The following CADPS2 variants were observed in gnomAD, a reference collection of about 807,000 sequenced individuals.
CADPS2 encodes calcium-dependent secretion activator 2.
In CADPS2, 93 loss-of-function variants were observed where a neutral mutation model predicts 172.5. The observed-to-expected ratio is 0.54, with a 90% CI of 0.46 to 0.64. The LOEUF (loss-of-function observed/expected upper bound fraction) is 0.64. Among genes scored for constraint, CADPS2 ranks in the 30% least tolerant of loss-of-function variants. CADPS2 has a pLI of 0.00. For missense variants in CADPS2, 1,420 were observed against 1,565.9 expected (o/e 0.91, Z 1.57); for synonymous variants, 546 against 555.2 (o/e 0.98, Z 0.23).
chr7:122,730,302 C>G (rs1167899069), intron 2 of CADPS2, among the ~76,000 whole-genome samples: 2 of 151,462 alleles, frequency 1.3e-5, no homozygotes, highest in Non-Finnish European at 3.0e-5. Context: ...TATGATAATA[C>G]CAAATGTGCA....
chr7:122,635,271 A>T (rs185124094), intron 3 of CADPS2, among the ~76,000 whole-genome samples: 2,319 of 149,100 alleles, frequency 0.016, 26 homozygotes, highest in South Asian at 0.027. Context: ...TGTGTGGCTA[A>T]TTTTTTTTTT....
rs750101153 is a variant in CADPS2 at position 122,702,186 on chromosome 7, G to C, written c.453+34769C>G. The C allele has an allele frequency of 2.1e-5, 34 of 1,613,520 alleles. No individual in the cohort carries two copies. The South Asian group carries it at 3.4e-4, about 16-fold the overall frequency. ...AAGGTAAATAGATACATGATGTAATGGCTCACCCACTGCATGTGCATTCTC... is the reference window on the plus strand; with the variant it reads ...AAGGTAAATAGATACATGATGTAATCGCTCACCCACTGCATGTGCATTCTC... On this transcript the variant is annotated intron_variant, in intron 2 of 29. Coordinates refer to ENST00000449022, the MANE Select transcript of CADPS2 (RefSeq NM_017954.11).
intron 9 of CADPS2, among the ~76,000 whole-genome samples, chr7:122,507,902 G>C (rs2059726673): frequency 6.6e-6 from 1 of 152,070 alleles, no homozygotes; most frequent in African/African-American, 2.4e-5. Flanking sequence ...GATCAAACAT[G>C]ACACCTAGGT....
At chr7:122,390,108 C>T (rs973055889) in intron 22 of CADPS2, among the ~76,000 whole-genome samples, 4 of 151,948 alleles carry the variant, frequency 2.6e-5, no homozygotes, top group African/African-American at 9.7e-5. Context: ...CCTTGTCTAG[C>T]CAAAATGCCC....
intron 1 of CADPS2, among the ~76,000 whole-genome samples, chr7:122,816,701 T>C (rs1162493837): frequency 6.6e-6 from 1 of 152,222 alleles, no homozygotes; most frequent in Non-Finnish European, 1.5e-5. Context: ...CATCCATTAT[T>C]GCCTGTCTTT....
chr7:122,698,465 CA>C, intron 2 of CADPS2: 2 of 1,613,902 alleles, frequency 1.2e-6, no homozygotes, highest in Non-Finnish European at 1.7e-6. Context: ...ATCATAACCA[CA>C]ACGACATCTT....
intron 12 of CADPS2, among the ~76,000 whole-genome samples, chr7:122,477,083 GGA>G (rs992814998): frequency 3.2e-5 from 4 of 123,818 alleles, no homozygotes; most frequent in Non-Finnish European, 6.9e-5. Context: ...AGAGAGAGAG[GGA>G]GAGAGAGAGG....
At chr7:122,504,880 A>G (rs1322667241) in intron 9 of CADPS2, among the ~76,000 whole-genome samples, 2 of 152,152 alleles carry the variant, frequency 1.3e-5, no homozygotes, top group African/African-American at 4.8e-5. Context: ...CACAACTTTT[A>G]TCAGCAAAGA....
intron 9 of CADPS2, among the ~76,000 whole-genome samples, chr7:122,497,103 C>T (rs1241337509): frequency 6.6e-6 from 1 of 151,658 alleles, no homozygotes; most frequent in African/African-American, 2.4e-5. Flanking sequence ...CTGCTTTTTG[C>T]CTTGAAGTCT....
At chr7:122,795,649 A>G (rs1419329652) in intron 1 of CADPS2, among the ~76,000 whole-genome samples, 1 of 152,226 alleles carries the variant, frequency 6.6e-6, no homozygotes, top group Non-Finnish European at 1.5e-5. Flanking sequence ...AAAACTTTCG[A>G]TAAAATTCAA....
At chr7:122,816,943 T>C (rs13245159) in intron 1 of CADPS2, among the ~76,000 whole-genome samples, 5,822 of 151,830 alleles carry the variant, frequency 0.038, 212 homozygotes, top group Non-Finnish European at 0.054. Flanking sequence ...TGGCTCATCC[T>C]GGCTCAAAAA....
At chr7:122,698,187 C>G in intron 2 of CADPS2, 1 of 1,613,878 alleles carries the variant, frequency 6.2e-7, no homozygotes, top group Non-Finnish European at 8.5e-7. Flanking sequence ...CTTCATCCCC[C>G]TCTTTTACTA....
intron 1 of CADPS2, among the ~76,000 whole-genome samples, chr7:122,863,281 A>G (rs1337250689): frequency 6.6e-6 from 1 of 152,172 alleles, no homozygotes; most frequent in Admixed American, 6.5e-5. Context: ...TACACTTTAT[A>G]TTTTATAAGT....
At chr7:122,776,679 T>C (rs1431944658) in intron 1 of CADPS2, among the ~76,000 whole-genome samples, 2 of 152,146 alleles carry the variant, frequency 1.3e-5, no homozygotes, top group African/African-American at 4.8e-5. Context: ...TGGGAAAGTT[T>C]AGAATTTCCT....
chr7:122,375,705 A>C (rs544176836), intron 25 of CADPS2, among the ~76,000 whole-genome samples: 3 of 152,246 alleles, frequency 2.0e-5, no homozygotes, highest in Admixed American at 1.3e-4. Context: ...TGGCCGTAGC[A>C]ATGACTTCTT....
At chr7:122,548,024 T>G (rs897052686) in intron 8 of CADPS2, among the ~76,000 whole-genome samples, 4 of 152,174 alleles carry the variant, frequency 2.6e-5, no homozygotes, top group Non-Finnish European at 5.9e-5. Flanking sequence ...AAAAGTCATG[T>G]AGACAGTAAG....
Position 122,724,167 on chromosome 7 carries a change from T to TA in CADPS2, c.453+12787dup, listed in dbSNP as rs1256232042. Among the ~76,000 whole-genome samples the TA allele has an allele frequency of 1.1e-4, 17 of 151,778 alleles. No homozygotes were observed. In the East Asian group the frequency reaches 3.3e-3, roughly 29 times the overall value. ...CGTTTTGCACATATACCCTATAACT[T>TA]AAAGTATAATAATAATTGAAAAATT... On this transcript the variant is annotated intron_variant, in intron 2 of 29. Transcript: ENST00000449022.
At chr7:122,874,687 T>C (rs1486078452) in intron 1 of CADPS2, among the ~76,000 whole-genome samples, 5 of 152,096 alleles carry the variant, frequency 3.3e-5, no homozygotes, top group Non-Finnish European at 7.4e-5. Context: ...AACAGATATA[T>C]AGACTAGTGA....
chr7:122,721,839 C>A (rs1588735260), intron 2 of CADPS2, among the ~76,000 whole-genome samples: 2 of 152,240 alleles, frequency 1.3e-5, no homozygotes, highest in African/African-American at 4.8e-5. Flanking sequence ...AAAGCTTATC[C>A]ACCACGATCA....
Sources: allele counts gnomAD v4.1 joint callset (sites outside exome capture counted in the v4.1 genomes callset), GRCh38; gene constraint gnomAD v4.1.1; transcripts MANE v1.5; gene names NCBI Gene and HGNC (gene_info 2026-07-23, HGNC 2026-07-21).